Variants in DLGAP2 observed in about 807,000 individuals in gnomAD.
DLGAP2 encodes the protein DLG associated protein 2.
Under a neutral mutation model 100.3 loss-of-function variants are expected in DLGAP2, and 26 were observed. The ratio of observed to expected loss-of-function variants is 0.26; its 90% CI spans 0.19 to 0.36. The LOEUF (loss-of-function observed/expected upper bound fraction) is 0.36. Among genes scored for constraint, DLGAP2 ranks in the 10% least tolerant of loss-of-function variants. The pLI is 1.00. For missense variants in DLGAP2, 1,858 were observed against 1,453.2 expected (o/e 1.28, Z -4.53); for synonymous variants, 886 against 630.1 (o/e 1.41, Z -6.08).
At chr8:1,673,046 C>A (rs1798729797) in intron 10 of DLGAP2, among the ~76,000 whole-genome samples, 1 of 152,232 alleles carries the variant, frequency 6.6e-6, no homozygotes, top group African/African-American at 2.4e-5. Flanking sequence ...TAGCCTGGGA[C>A]TGCATGGGAG....
chr8:768,446 C>T (rs1234071034), intron 1 of DLGAP2, among the ~76,000 whole-genome samples: 2 of 110,012 alleles, frequency 1.8e-5, no homozygotes, highest in African/African-American at 3.7e-5. Flanking sequence ...TTTTTTCTGA[C>T]ATGAATCTTG....
At chr8:1,415,468 C>G (rs1305581056) in intron 3 of DLGAP2, among the ~76,000 whole-genome samples, 1 of 152,102 alleles carries the variant, frequency 6.6e-6, no homozygotes, top group Non-Finnish European at 1.5e-5. Context: ...CCCTTTTTCC[C>G]TCCCCCTCTA....
chr8:1,376,420 T>C (rs1802389585), intron 3 of DLGAP2, among the ~76,000 whole-genome samples: 1 of 152,244 alleles, frequency 6.6e-6, no homozygotes. Context: ...CTGCATGGCC[T>C]CTGTGCCCAC....
intron 13 of DLGAP2, 147 bp downstream of exon 13, chr8:1,691,773 C>T: frequency 1.4e-6 from 1 of 739,996 alleles, no homozygotes; most frequent in Non-Finnish European, 2.2e-6. Flanking sequence ...GGCTTCCCGC[C>T]CTGGGGAAAG....
intron 3 of DLGAP2, among the ~76,000 whole-genome samples, chr8:1,374,631 T>G (rs921981677): frequency 2.0e-5 from 3 of 152,222 alleles, no homozygotes; most frequent in African/African-American, 7.2e-5. Context: ...TCTGCCTCAA[T>G]GTAGGAGTTA....
intron 2 of DLGAP2, among the ~76,000 whole-genome samples, chr8:1,130,089 CAGACACTTCACGCGAGTTAAGGGATCGT>C: frequency 1.1e-3 from 2 of 1,888 alleles, no homozygotes; most frequent in East Asian, 0.01. Flanking sequence ...GGGATCGTGT[CAGACACTTCACGCGAGTTAAGGGATCGT>C]GTCAGACACT....
chr8:957,221 G>A (rs1189426189), intron 2 of DLGAP2, among the ~76,000 whole-genome samples: 1 of 152,238 alleles, frequency 6.6e-6, no homozygotes, highest in South Asian at 2.1e-4. Flanking sequence ...GCCTTTGAAG[G>A]CAGGGTCAGT....
At chr8:1,569,795 C>T (rs939673320) in intron 6 of DLGAP2, among the ~76,000 whole-genome samples, 1 of 152,186 alleles carries the variant, frequency 6.6e-6, no homozygotes, top group South Asian at 2.1e-4. Flanking sequence ...CATGGCACTG[C>T]TCTGTGGAGG....
At chr8:814,925 T>C (rs1796436979) in intron 1 of DLGAP2, among the ~76,000 whole-genome samples, 1 of 150,054 alleles carries the variant, frequency 6.7e-6, no homozygotes. Flanking sequence ...TAGATATTTA[T>C]AGATCAGATA....
At chr8:812,412 C>T (rs1796389409) in intron 1 of DLGAP2, among the ~76,000 whole-genome samples, 1 of 152,154 alleles carries the variant, frequency 6.6e-6, no homozygotes, top group African/African-American at 2.4e-5. Context: ...CGGCTTCTCC[C>T]TTCTGCCGGC....
At chr8:825,255 C>T (rs566121725) in intron 1 of DLGAP2, among the ~76,000 whole-genome samples, 45 of 152,342 alleles carry the variant, frequency 3.0e-4, no homozygotes, top group African/African-American at 1.0e-3. Flanking sequence ...AGCCACACAG[C>T]TGTTGGATCA....
chr8:790,399 C>T (rs915323033), intron 1 of DLGAP2, among the ~76,000 whole-genome samples: 1 of 152,100 alleles, frequency 6.6e-6, no homozygotes, highest in South Asian at 2.1e-4. Context: ...AGTTTGTTTC[C>T]CATTTTCTGG....
chr8:1,003,631 G>A (rs1364104544), intron 2 of DLGAP2, among the ~76,000 whole-genome samples: 2 of 152,340 alleles, frequency 1.3e-5, no homozygotes, highest in East Asian at 1.9e-4. Context: ...GCTCTGTGAT[G>A]TGAGCTGGGG....
At chr8:1,164,407 G>GTTTGTGGGGATT (rs1796972900) in intron 2 of DLGAP2, among the ~76,000 whole-genome samples, 16 of 152,070 alleles carry the variant, frequency 1.1e-4, no homozygotes, top group East Asian at 3.9e-4. Context: ...CGTCGTTTTG[G>GTTTGTGGGGATT]TTTCTCTGGA....
intron 1 of DLGAP2, among the ~76,000 whole-genome samples, chr8:812,156 G>T (rs535215388): frequency 2.6e-4 from 40 of 152,336 alleles, no homozygotes; most frequent in Admixed American, 2.2e-3. Flanking sequence ...CAATTGCAGG[G>T]GCTGGTGAGT....
At chr8:1,699,817 G>A (rs1170133730) in intron 14 of DLGAP2, among the ~76,000 whole-genome samples, 3 of 152,142 alleles carry the variant, frequency 2.0e-5, no homozygotes, top group African/African-American at 4.8e-5. Context: ...ACACCCACAG[G>A]CCTGGAAGCT....
chr8:1,355,313 G>C (rs191102926), intron 3 of DLGAP2, among the ~76,000 whole-genome samples: 93 of 152,358 alleles, frequency 6.1e-4, no homozygotes, highest in African/African-American at 2.2e-3. Flanking sequence ...TGGGTGGTGA[G>C]ATTGTCGGAG....
intron 3 of DLGAP2, among the ~76,000 whole-genome samples, chr8:1,420,657 G>A (rs983222379): frequency 7.2e-5 from 11 of 152,052 alleles, no homozygotes; most frequent in African/African-American, 2.7e-4. Context: ...TTGTGCCTCC[G>A]ACTGCATTCC....
At chr8:864,160 C>A (rs796646568) in intron 1 of DLGAP2, among the ~76,000 whole-genome samples, 1 of 152,000 alleles carries the variant, frequency 6.6e-6, no homozygotes, top group Non-Finnish European at 1.5e-5. Context: ...AGGAGCAGAG[C>A]GTAGAGTGAT....
Sources: gnomAD v4.1 joint callset for allele counts (sites outside exome capture counted in the v4.1 genomes callset) on GRCh38, gnomAD v4.1.1 for gene constraint, MANE v1.5 for transcripts, NCBI Gene and HGNC (gene_info 2026-07-23, HGNC 2026-07-21) for gene names.